MYO5A: variants seen among roughly 807,000 people sequenced by gnomAD.
MYO5A encodes the protein unconventional myosin-Va.
MYO5A carries 98 observed loss-of-function variants against 249.7 expected under a neutral mutation model. That is an observed-to-expected ratio of 0.39 (90% CI 0.33 to 0.46). MYO5A has a LOEUF of 0.46. Ranked by LOEUF, MYO5A falls within the 20% of genes least tolerant of loss-of-function variation. MYO5A has a pLI of 0.98. For synonymous variants in MYO5A, 778 were observed against 810.6 expected, an observed-to-expected ratio of 0.96 and a Z score of 0.68; for missense variants, 1,696 against 2,308.8, an observed-to-expected ratio of 0.73 and a Z score of 5.44.
Position 52,367,430 on chromosome 15 carries a change from T to A in MYO5A, c.3067-306A>T, listed in dbSNP as rs116039673. On this transcript the variant is annotated intron_variant, in intron 22 of 41. Coordinates refer to ENST00000399233, the MANE Select transcript of MYO5A (RefSeq NM_001382347.1). The stretch of plus-strand genomic sequence containing the variant: ...GAATAGACTAGAATTTCTTGAAGGA[T>A]AAGGATGGTGATGGTTTTTTACTTT... Among the ~76,000 whole-genome samples, 796 of 152,344 alleles carry A rather than the reference T, an allele frequency of 5.2e-3. 9 individuals carry two copies. The highest frequency in any genetic ancestry group is 0.018 in the African/African-American group (760 of 41,572).
At chr15:52,497,975 C>A (rs2077076299) in intron 1 of MYO5A, among the ~76,000 whole-genome samples, 1 of 151,872 alleles carries the variant, frequency 6.6e-6, no homozygotes, top group Admixed American at 6.6e-5. Flanking sequence ...AATTTACATC[C>A]TTAAATCATA....
chr15:52,377,365 T>C (rs945550651), intron 18 of MYO5A, among the ~76,000 whole-genome samples: 2 of 151,280 alleles, frequency 1.3e-5, no homozygotes, highest in African/African-American at 2.4e-5. Context: ...GAGGTTGCAG[T>C]GAGCCAAGAT....
intron 1 of MYO5A, among the ~76,000 whole-genome samples, chr15:52,489,588 G>A (rs1344512754): frequency 6.7e-6 from 1 of 149,946 alleles, no homozygotes; most frequent in East Asian, 1.9e-4. Context: ...ACCAACCTCT[G>A]TGCATCAAAG....
intron 1 of MYO5A, among the ~76,000 whole-genome samples, chr15:52,515,611 GAC>G (rs1424478497): frequency 1.2e-4 from 18 of 152,208 alleles, no homozygotes; most frequent in African/African-American, 4.3e-4. Context: ...TAGAAACTAA[GAC>G]ACAGAGAAAT....
intron 1 of MYO5A, among the ~76,000 whole-genome samples, chr15:52,473,555 G>T (rs894339579): frequency 6.6e-6 from 1 of 152,020 alleles, no homozygotes; most frequent in Non-Finnish European, 1.5e-5. Flanking sequence ...TTAATCCATC[G>T]TGAATTAATT....
At position 52,453,514 on chromosome 15, in the gene MYO5A, C is replaced by T. The variant is rs184960063; in HGVS notation, c.28-20229G>A. Among the ~76,000 whole-genome samples, 4 of 152,168 alleles carry T rather than the reference C, an allele frequency of 2.6e-5. No homozygotes were observed. The East Asian group carries it at 5.8e-4, about 22-fold the overall frequency. On this transcript the variant is annotated intron_variant, in intron 1 of 41. Coordinates refer to ENST00000399233, the MANE Select transcript of MYO5A (RefSeq NM_001382347.1). ...AAAACATGTGAAGGTATAAAACTCA[C>T]AGGTAAAAATAGGTACACAAAAAAA... is the stretch of plus-strand genomic sequence containing the variant.
chr15:52,474,212 A>G (rs1244590216), intron 1 of MYO5A, among the ~76,000 whole-genome samples: 1 of 152,182 alleles, frequency 6.6e-6, no homozygotes, highest in Non-Finnish European at 1.5e-5. Context: ...GATGTGTAAG[A>G]ATGCTTGTGA....
At chr15:52,371,201 C>T (rs1460941196) in intron 21 of MYO5A, among the ~76,000 whole-genome samples, 2 of 152,060 alleles carry the variant, frequency 1.3e-5, no homozygotes, top group African/African-American at 4.8e-5. Context: ...AAATTTCTCC[C>T]TCCCACTCAG....
At chr15:52,514,527 A>G (rs983535777) in intron 1 of MYO5A, among the ~76,000 whole-genome samples, 6 of 152,230 alleles carry the variant, frequency 3.9e-5, no homozygotes, top group Admixed American at 3.9e-4. Flanking sequence ...TGGAAATCAG[A>G]AGAAGGCAAA....
At chr15:52,504,415 C>T (rs2077222957) in intron 1 of MYO5A, among the ~76,000 whole-genome samples, 3 of 152,132 alleles carry the variant, frequency 2.0e-5, no homozygotes, top group Admixed American at 2.0e-4. Context: ...CATTAATACC[C>T]ATGTTTTGCA....
intron 39 of MYO5A, 45 bp from the exon 40 acceptor site, chr15:52,317,267 TG>T (rs1228551969): frequency 3.2e-6 from 5 of 1,584,736 alleles, no homozygotes; most frequent in Non-Finnish European, 4.3e-6. Flanking sequence ...TGCTGAATTT[TG>T]TCAAAAATGT....
chr15:52,466,496 T>A (rs945161110), intron 1 of MYO5A, among the ~76,000 whole-genome samples: 1 of 152,214 alleles, frequency 6.6e-6, no homozygotes, highest in Admixed American at 6.5e-5. Context: ...ACAGCCAGAC[T>A]GGCTAACATA....
At chr15:52,461,523 G>A (rs912692531) in intron 1 of MYO5A, among the ~76,000 whole-genome samples, 1 of 152,172 alleles carries the variant, frequency 6.6e-6, no homozygotes, top group Non-Finnish European at 1.5e-5. Flanking sequence ...TTTCACAATA[G>A]GAAGTTATTT....
At chr15:52,438,351 G>A (rs151183804) in intron 1 of MYO5A, among the ~76,000 whole-genome samples, 8 of 152,288 alleles carry the variant, frequency 5.3e-5, no homozygotes, top group Non-Finnish European at 7.4e-5. Flanking sequence ...GAGTCGGGCA[G>A]GAATCAGAAA....
intron 4 of MYO5A, among the ~76,000 whole-genome samples, chr15:52,419,335 G>A (rs1469437252): frequency 4.6e-5 from 7 of 152,134 alleles, no homozygotes; most frequent in Admixed American, 4.6e-4. Flanking sequence ...GTAATAAAAT[G>A]CTTTCTTTCA....
chr15:52,363,160 C>G (rs1305225481), intron 24 of MYO5A, among the ~76,000 whole-genome samples: 1 of 152,138 alleles, frequency 6.6e-6, no homozygotes, highest in Non-Finnish European at 1.5e-5. Flanking sequence ...GCATTGTCAT[C>G]TAATAAATAG....
chr15:52,330,454 G>C lies in MYO5A; in HGVS notation c.4454C>G (p.Pro1485Arg). The stretch of plus-strand genomic sequence containing the variant: ...CCTGGGAATGTTGACTGGTCGGATG[G>C]GTTCATCAATGATCTGTCCTGGGGA... ...NISPGQIIDE[P>R]IRPVNIPRKE... is the part of the protein sequence containing the mutation. Residue 1485 changes from proline to arginine, a missense_variant, in exon 35 of 42, where the codon CCC (proline) becomes CGC (arginine). This residue lies in a region of MYO5A where 625 missense variants were observed against 908.1 expected (regional missense o/e 0.69). Transcript: ENST00000399233. The C allele has an allele frequency of 1.9e-6, 3 of 1,613,974 alleles. No homozygotes were observed. Among genetic ancestry groups the C allele is most frequent in the Non-Finnish European group, 2.5e-6 (3 of 1,179,956 alleles).
intron 23 of MYO5A, among the ~76,000 whole-genome samples, chr15:52,366,629 CAAAA>C (rs60631867): frequency 0.1 from 7,511 of 74,724 alleles, 378 homozygotes; most frequent in African/African-American, 0.27. Context: ...ATTGATTTAG[CAAAA>C]AAAAAAAAAA....
At chr15:52,440,078 A>G (rs1385459831) in intron 1 of MYO5A, among the ~76,000 whole-genome samples, 2 of 152,236 alleles carry the variant, frequency 1.3e-5, no homozygotes, top group African/African-American at 2.4e-5. Flanking sequence ...CCTGGCAGCA[A>G]TGAGGTAATT....
Sources: gnomAD v4.1 joint callset for allele counts (sites outside exome capture counted in the v4.1 genomes callset) on GRCh38, gnomAD v4.1.1 for gene constraint, gnomAD v4.1.1 regional missense constraint, MANE v1.5 for transcripts, NCBI Gene and HGNC (gene_info 2026-07-23, HGNC 2026-07-21) for gene names.